The following TRDN variants were observed in gnomAD, a reference collection of about 807,000 sequenced individuals.
TRDN encodes triadin in skeletal muscle.
Under a neutral mutation model 149.7 loss-of-function variants are expected in TRDN, and 161 were observed. The observed-to-expected ratio is 1.08, with a 90% CI of 0.95 to 1.23. The LOEUF is 1.23. Ranked by LOEUF, TRDN falls within the 50% of genes most tolerant of loss-of-function variation. The pLI is 0.00. For missense variants in TRDN, 896 were observed against 823.5 expected (o/e 1.09, Z -1.08); for synonymous variants, 294 against 250.5 (o/e 1.17, Z -1.64).
rs529127210 is a variant in TRDN, at chr6:123,608,115, A to G, written c.22+28639T>C. ...AACTTAGGAGCCTGAGATAAATGTGATACTTCAAATGGGCAACCTTATATA... is the reference window on the plus strand; with the variant it reads ...AACTTAGGAGCCTGAGATAAATGTGGTACTTCAAATGGGCAACCTTATATA... On this transcript the variant is annotated intron_variant, in intron 1 of 40. Coordinates refer to ENST00000334268, the MANE Select transcript of TRDN (RefSeq NM_006073.4). Among the ~76,000 whole-genome samples the G allele has an allele frequency of 2.0e-3, 302 of 152,242 alleles. 2 individuals carry two copies. The highest frequency in any genetic ancestry group is 7.0e-3 in the African/African-American group (289 of 41,568).
At chr6:123,595,586 G>C (rs1335593939) in intron 1 of TRDN, among the ~76,000 whole-genome samples, 3 of 152,112 alleles carry the variant, frequency 2.0e-5, no homozygotes, top group African/African-American at 4.8e-5. Flanking sequence ...TAGCAACCCT[G>C]CGTCCAGCAA....
chr6:123,387,868 G>T (rs1329199740), intron 14 of TRDN, among the ~76,000 whole-genome samples: 1 of 151,780 alleles, frequency 6.6e-6, no homozygotes, highest in Non-Finnish European at 1.5e-5. Flanking sequence ...AGGGGAAAAA[G>T]AAAAAAATGG....
intron 22 of TRDN, among the ~76,000 whole-genome samples, chr6:123,333,091 A>G (rs1948408243): frequency 6.6e-6 from 1 of 152,054 alleles, no homozygotes; most frequent in South Asian, 2.1e-4. Flanking sequence ...CATGAATTGA[A>G]CAAACACACT....
At chr6:123,606,980 C>T (rs1219584647) in intron 1 of TRDN, among the ~76,000 whole-genome samples, 6 of 152,130 alleles carry the variant, frequency 3.9e-5, no homozygotes, top group Non-Finnish European at 8.8e-5. Flanking sequence ...TGGGAGTCCC[C>T]CCACACATTG....
At position 123,558,359 on chromosome 6, in the gene TRDN, T is replaced by C. The variant is rs1205223716; in HGVS notation, c.233-9747A>G. Among the ~76,000 whole-genome samples, 3 of 152,158 alleles carry C rather than the reference T, an allele frequency of 2.0e-5. No homozygotes were observed. In the East Asian group the frequency reaches 5.8e-4, roughly 29 times the overall value. ...TCCACTCCCGCACCCTATAATCCTT[T>C]TATCACCTCCCCTCCTCACACCCGG... On this transcript the variant is annotated intron_variant, in intron 2 of 40. Coordinates refer to ENST00000334268, the MANE Select transcript of TRDN (RefSeq NM_006073.4).
intron 9 of TRDN, among the ~76,000 whole-genome samples, chr6:123,491,541 A>T (rs901135164): frequency 2.6e-5 from 4 of 152,054 alleles, no homozygotes; most frequent in South Asian, 2.1e-4. Flanking sequence ...AAACTAAATA[A>T]TTTTTTTTAA....
chr6:123,262,706 T>C (rs1582792855), intron 33 of TRDN, among the ~76,000 whole-genome samples: 1 of 152,106 alleles, frequency 6.6e-6, no homozygotes, highest in East Asian at 1.9e-4. Flanking sequence ...TCCTTCACAT[T>C]TCTGTGTCTC....
chr6:123,313,369 A>T (rs935534633), intron 24 of TRDN, among the ~76,000 whole-genome samples: 5 of 151,868 alleles, frequency 3.3e-5, no homozygotes, highest in African/African-American at 7.3e-5. Context: ...TGGTACTCTG[A>T]CTTTTTGAGT....
chr6:123,529,513 T>C (rs1402802708), intron 5 of TRDN: 1 of 703,664 alleles, frequency 1.4e-6, no homozygotes, highest in Non-Finnish European at 2.5e-6. Context: ...GCACATGAAG[T>C]ATATTTTAAA....
chr6:123,296,741 T>C (rs1043399215), intron 24 of TRDN, among the ~76,000 whole-genome samples: 2 of 152,070 alleles, frequency 1.3e-5, no homozygotes, highest in African/African-American at 4.8e-5. Flanking sequence ...GTTTTATGTA[T>C]ATAATTTTGG....
At chr6:123,261,512 A>T (rs1000496745) in intron 33 of TRDN, among the ~76,000 whole-genome samples, 7 of 151,462 alleles carry the variant, frequency 4.6e-5, no homozygotes, top group East Asian at 1.9e-4. Flanking sequence ...GTTTTTTTTA[A>T]AAAAAACTTT....
rs530578973 is a variant in TRDN at position 123,621,493 on chromosome 6, C to T, written c.22+15261G>A. Among the ~76,000 whole-genome samples, 229 of 152,052 alleles carry T rather than the reference C, an allele frequency of 1.5e-3. 1 individual carries two copies. Among genetic ancestry groups the T allele is most frequent in the Non-Finnish European group, 1.4e-3 (98 of 67,952 alleles). The stretch of plus-strand genomic sequence containing the variant: ...ATAGATATTAAAACTAAAAAAAGAA[C>T]ATAAAAATATCATTCATCATAGCCT... On this transcript the variant is annotated intron_variant, in intron 1 of 40. Coordinates refer to ENST00000334268, the MANE Select transcript of TRDN (RefSeq NM_006073.4).
At chr6:123,617,877 A>G (rs1219439423) in intron 1 of TRDN, among the ~76,000 whole-genome samples, 2 of 152,040 alleles carry the variant, frequency 1.3e-5, no homozygotes, top group Non-Finnish European at 2.9e-5. Flanking sequence ...AGCTGGGATG[A>G]CAGGTGCCCG....
intron 24 of TRDN, among the ~76,000 whole-genome samples, chr6:123,284,082 GC>G (rs141393840): frequency 0.029 from 3,013 of 105,456 alleles, 127 homozygotes; most frequent in South Asian, 0.088. Context: ...ACTAACTCTT[GC>G]CCCCCCCCCA....
chr6:123,602,942 AT>A (rs1268125415), intron 1 of TRDN, among the ~76,000 whole-genome samples: 1 of 152,056 alleles, frequency 6.6e-6, no homozygotes, highest in Non-Finnish European at 1.5e-5. Flanking sequence ...TTAAAAAAAA[AT>A]CAGTATGTGA....
intron 10 of TRDN, among the ~76,000 whole-genome samples, chr6:123,445,416 C>T (rs201981878): frequency 8.2e-6 from 1 of 122,474 alleles, no homozygotes; most frequent in Non-Finnish European, 1.6e-5. Context: ...AGCTTCTGCA[C>T]AGCAAAAGAA....
intron 6 of TRDN, among the ~76,000 whole-genome samples, chr6:123,514,625 A>G (rs892790505): frequency 8.9e-6 from 1 of 111,904 alleles, no homozygotes; most frequent in African/African-American, 3.6e-5. Flanking sequence ...GGGTATACAT[A>G]CCCAAAACAC....
At chr6:123,586,278 TA>T (rs1286229778) in intron 1 of TRDN, among the ~76,000 whole-genome samples, 2 of 151,960 alleles carry the variant, frequency 1.3e-5, no homozygotes, top group East Asian at 1.9e-4. Context: ...GGGGAGATGA[TA>T]AAAGGATTAT....
intron 24 of TRDN, among the ~76,000 whole-genome samples, chr6:123,305,349 C>G (rs1016694048): frequency 9.2e-5 from 14 of 152,066 alleles, no homozygotes; most frequent in African/African-American, 3.4e-4. Context: ...AGCTATAATA[C>G]ACCTGTTATT....
Sources: allele counts gnomAD v4.1 joint callset (sites outside exome capture counted in the v4.1 genomes callset), GRCh38; gene constraint gnomAD v4.1.1; transcripts MANE v1.5; gene names NCBI Gene and HGNC (gene_info 2026-07-23, HGNC 2026-07-21).